NEXMIF: variants seen among roughly 807,000 people sequenced by gnomAD.
The protein encoded by NEXMIF is XLMR protein related to neurite extension.
NEXMIF carries 8 observed loss-of-function variants against 62.1 expected under a neutral mutation model. The ratio of observed to expected loss-of-function variants is 0.13; its 90% CI spans 0.08 to 0.23. The LOEUF (loss-of-function observed/expected upper bound fraction) is 0.23, where lower values mean the gene tolerates loss of function less well. NEXMIF is among the 10% of genes least tolerant of loss of function. The probability of loss-of-function intolerance (pLI) is 1.00; values close to 1 mark genes in which losing one functional copy is unlikely to be tolerated. For missense variants in NEXMIF, 976 were observed against 1,113.3 expected (o/e 0.88, Z 1.75); for synonymous variants, 404 against 416.6 (o/e 0.97, Z 0.37).
In NEXMIF at chrX:74,799,814, TAA is replaced by T. The variant is rs1035516257; in HGVS notation, c.-47-54119_-47-54118del. On this transcript the variant is annotated intron_variant, in intron 1 of 3. Transcript: ENST00000055682. ...CCCATCCAGGAACATTATACATTGA[TAA>T]AAGAGTCAATTCATCAAGAAGACAT... is the stretch of plus-strand genomic sequence containing the variant. 3.6e-5 allele frequency among the ~76,000 whole-genome samples: 4 copies of T among 111,275 alleles called. No individual in the cohort carries two copies. In the Admixed American group the frequency reaches 3.8e-4, roughly 11 times the overall value.
chrX:74,878,851 C>T lies in NEXMIF; in HGVS notation c.-48+46032G>A, dbSNP rs768350626. Among the ~76,000 whole-genome samples, 7 of 112,281 alleles carry T rather than the reference C, an allele frequency of 6.2e-5. No individual in the cohort carries two copies. In the South Asian group the frequency reaches 1.8e-3, roughly 30 times the overall value. On this transcript the variant is annotated intron_variant, in intron 1 of 3. Coordinates refer to ENST00000055682, the MANE Select transcript of NEXMIF (RefSeq NM_001008537.3). ...CAATGCCTTGCCCTGCTTCAGCTCG[C>T]GCATGGTGCGCGCACCCACTGACCT...
chrX:74,782,441 T>C lies in NEXMIF; in HGVS notation c.-47-36744A>G, dbSNP rs186576963. 2.7e-3 allele frequency among the ~76,000 whole-genome samples: 296 copies of C among 111,336 alleles called. 1 individual carries two copies. Among genetic ancestry groups the C allele is most frequent in the East Asian group, 0.018 (63 of 3,513 alleles). On this transcript the variant is annotated intron_variant, in intron 1 of 3. Coordinates refer to ENST00000055682, the MANE Select transcript of NEXMIF (RefSeq NM_001008537.3). The stretch of plus-strand genomic sequence containing the variant: ...GGTTCAGGGTCTTAGGTCCCTGCCA[T>C]GATTTCAAACTTCCAAAAGAGCCAG...
At chrX:74,821,268 C>A (rs1261956124) in intron 1 of NEXMIF, among the ~76,000 whole-genome samples, 1 of 111,055 alleles carries the variant, frequency 9.0e-6, no homozygotes, top group East Asian at 2.8e-4. Context: ...CTACCCATGA[C>A]ATAAAAGTAA....
chrX:74,874,346 A>G (rs1211676326), intron 1 of NEXMIF, among the ~76,000 whole-genome samples: 7 of 101,520 alleles, frequency 6.9e-5, no homozygotes, highest in African/African-American at 1.5e-4. Flanking sequence ...TGTTCCATTG[A>G]TCTATATCTC....
chrX:74,740,481 G>C lies in NEXMIF; in HGVS notation c.4076C>G (p.Ser1359Cys). Residue 1359 changes from serine (S) to cysteine (C), a missense_variant, in exon 3 of 4, where the codon TCC becomes TGC. Ser to Cys is a moderately radical substitution (Grantham distance 112). Around this residue, in one of 5 missense-constraint regions of NEXMIF, gnomAD observed 137 missense variants for 128.9 expected, o/e 1.06. Transcript: ENST00000055682. ...GAGGGTTTTTAATTTTAGACTATTG[G>C]ACTCAGGGGAGTAGAATATGTTGGG... ...GDPNIFYSPE[S>C]NSLKLKTLKI... 1 of 1,211,267 alleles carries C rather than the reference G, an allele frequency of 8.3e-7. No homozygotes were observed. The highest frequency in any genetic ancestry group is 1.1e-6 in the Non-Finnish European group (1 of 895,282).
chrX:74,889,350 T>C (rs2080709051), intron 1 of NEXMIF, among the ~76,000 whole-genome samples: 1 of 111,918 alleles, frequency 8.9e-6, no homozygotes, highest in African/African-American at 3.2e-5. Flanking sequence ...CAAGACCAAA[T>C]GGGGATGGAA....
intron 1 of NEXMIF, among the ~76,000 whole-genome samples, chrX:74,899,289 C>T (rs1322776625): frequency 1.8e-5 from 2 of 111,551 alleles, no homozygotes; most frequent in Admixed American, 9.6e-5. Context: ...TAAATTGTCT[C>T]TCTTTGCTGA....
At chrX:74,784,645 T>G (rs1377298034) in intron 1 of NEXMIF, among the ~76,000 whole-genome samples, 1 of 110,302 alleles carries the variant, frequency 9.1e-6, no homozygotes, top group Non-Finnish European at 1.9e-5. Flanking sequence ...CATACAATAA[T>G]TTAATACCTA....
intron 1 of NEXMIF, among the ~76,000 whole-genome samples, chrX:74,846,952 A>G (rs1279643747): frequency 8.9e-6 from 1 of 112,114 alleles, no homozygotes; most frequent in Non-Finnish European, 1.9e-5. Context: ...TTTAATGCTG[A>G]TGATATATGG....
At chrX:74,842,897 T>G (rs754026898) in intron 1 of NEXMIF, among the ~76,000 whole-genome samples, 1 of 112,210 alleles carries the variant, frequency 8.9e-6, no homozygotes, top group Admixed American at 9.4e-5. Context: ...TCTAATTATG[T>G]GGTCAGTTTT....
chrX:74,903,513 CT>C (rs768107689), intron 1 of NEXMIF, among the ~76,000 whole-genome samples: 26 of 111,200 alleles, frequency 2.3e-4, no homozygotes, highest in Admixed American at 1.1e-3. Flanking sequence ...AGAACAACTA[CT>C]GCAAATTGGT....
intron 1 of NEXMIF, among the ~76,000 whole-genome samples, chrX:74,895,455 A>T (rs1285019412): frequency 2.7e-5 from 3 of 112,083 alleles, no homozygotes; most frequent in African/African-American, 9.7e-5. Flanking sequence ...AATAGAAAAA[A>T]ATCCTAAAAT....
chrX:74,838,162 T>A (rs1242614901), intron 1 of NEXMIF, among the ~76,000 whole-genome samples: 2 of 111,537 alleles, frequency 1.8e-5, no homozygotes, highest in Admixed American at 1.9e-4. Flanking sequence ...AAATATTGAA[T>A]CCAGAAAATC....
intron 1 of NEXMIF, among the ~76,000 whole-genome samples, chrX:74,790,615 A>T (rs1166662853): frequency 1.8e-5 from 2 of 113,351 alleles, no homozygotes; most frequent in Non-Finnish European, 3.8e-5. Flanking sequence ...TGAGCATGGA[A>T]TGTTCTTCCA....
intron 1 of NEXMIF, among the ~76,000 whole-genome samples, chrX:74,896,987 A>G (rs1053412741): frequency 1.8e-5 from 2 of 112,127 alleles, no homozygotes; most frequent in South Asian, 3.7e-4. Context: ...CACCCAATTG[A>G]TATCTACTAG....
chrX:74,741,041 C>T lies in NEXMIF; in HGVS notation c.3516G>A (p.Val1172=). The T allele has an allele frequency of 8.3e-7, 1 of 1,211,297 alleles. No homozygotes were observed. The stretch of plus-strand genomic sequence containing the variant: ...GTGAACTTTTCTTTCTTGATTTTGA[C>T]ACTTTGTTGTTGGTACTAATTTGAC... ...PSGQISTNNK[V]SKSRKKSSPS... The change falls in exon 3 of 4, where the codon GTG becomes GTA. Residue 1172 remains valine (V), a synonymous_variant. Transcript: ENST00000055682.
intron 1 of NEXMIF, among the ~76,000 whole-genome samples, chrX:74,896,215 T>TA (rs2080732452): frequency 9.0e-6 from 1 of 111,720 alleles, no homozygotes; most frequent in South Asian, 3.8e-4. Context: ...TGTTCCCACT[T>TA]ACTCCTCCCC....
chrX:74,812,388 T>C (rs983813608), intron 1 of NEXMIF, among the ~76,000 whole-genome samples: 3 of 112,256 alleles, frequency 2.7e-5, no homozygotes, highest in African/African-American at 9.7e-5. Context: ...TTAAATAAAC[T>C]TCTTTGTTAG....
intron 1 of NEXMIF, among the ~76,000 whole-genome samples, chrX:74,782,996 G>T (rs2080251133): frequency 9.0e-6 from 1 of 111,330 alleles, no homozygotes; most frequent in Non-Finnish European, 1.9e-5. Context: ...TTGCTTGCCT[G>T]CTATATGTAA....
Sources: allele counts gnomAD v4.1 joint callset (sites outside exome capture counted in the v4.1 genomes callset), GRCh38; gene constraint gnomAD v4.1.1; regional missense constraint gnomAD v4.1.1; transcripts MANE v1.5; gene names NCBI Gene and HGNC (gene_info 2026-07-23, HGNC 2026-07-21).